The following FAT1 variants were observed in gnomAD, a reference collection of about 807,000 sequenced individuals.
FAT1 encodes protocadherin Fat 1.
Under a neutral mutation model 329.8 loss-of-function variants are expected in FAT1, and 171 were observed. That is an observed-to-expected ratio of 0.52 (90% CI 0.46 to 0.59). The LOEUF (loss-of-function observed/expected upper bound fraction) is 0.59. Ranked by LOEUF, FAT1 falls within the 20% of genes least tolerant of loss-of-function variation. The pLI is 0.00. For synonymous variants in FAT1, 2,233 were observed against 2,228.6 expected (o/e 1.00, Z -0.06); for missense variants, 5,672 against 5,774.4 (o/e 0.98, Z 0.57).
intron 6 of FAT1, among the ~76,000 whole-genome samples, 183 bp downstream of exon 6, chr4:186,635,842 T>C (rs188532224): frequency 1.5e-4 from 23 of 152,344 alleles, no homozygotes; most frequent in Admixed American, 5.2e-4. Flanking sequence ...TAAGCAAGTT[T>C]AACATATGCT....
At position 186,708,094 on chromosome 4, in the gene FAT1, A is replaced by G. The variant is rs1273396991; in HGVS notation, c.1734T>C (p.Ile578=). The change falls in exon 2 of 27, where the codon ATT becomes ATC. Residue 578 remains isoleucine, a synonymous_variant. Transcript: ENST00000441802. The stretch of plus-strand genomic sequence containing the variant: ...GCTCTCCCACGCCTAGATCTCTGGG[A>G]ATTGTCCCTTCACAATTTATTTTCT... ...LFEKINCEGT[I]PRDLGVGEQI... The G allele has an allele frequency of 6.2e-7, 1 of 1,613,984 alleles. No homozygotes were observed. The highest frequency in any genetic ancestry group is 1.1e-5 in the South Asian group (1 of 91,072).
chr4:186,691,065 T>A (rs1057175158), intron 2 of FAT1, among the ~76,000 whole-genome samples: 6 of 152,176 alleles, frequency 3.9e-5, no homozygotes, highest in Non-Finnish European at 7.3e-5. Context: ...TCATTTGATT[T>A]AAAAAATAAC....
chr4:186,675,399 G>A lies in FAT1; in HGVS notation c.3266-11786C>T, dbSNP rs147994407. 4.2e-3 allele frequency among the ~76,000 whole-genome samples: 631 copies of A among 152,020 alleles called. 3 individuals are homozygous for A. Among genetic ancestry groups the A allele is most frequent in the African/African-American group, 0.015 (606 of 41,454 alleles). ...GGAGAATCGCTTGAACCCAGGAGGC[G>A]GAGGTTGCAGTGAGTTGAGATTGCG... On this transcript the variant is annotated intron_variant, in intron 2 of 26. Transcript: ENST00000441802.
At chr4:186,674,270 A>G (rs905463704) in intron 2 of FAT1, among the ~76,000 whole-genome samples, 1 of 152,242 alleles carries the variant, frequency 6.6e-6, no homozygotes, top group Admixed American at 6.5e-5. Flanking sequence ...AAAGTAACCA[A>G]TGAATTAATG....
intron 2 of FAT1, among the ~76,000 whole-genome samples, chr4:186,676,735 A>G (rs1210529347): frequency 1.3e-5 from 2 of 152,228 alleles, no homozygotes; most frequent in Non-Finnish European, 1.5e-5. Flanking sequence ...GTATAAACAG[A>G]ACTCTCTCCA....
chr4:186,606,160 T>G lies in FAT1; in HGVS notation c.10260A>C (p.Arg3420Ser), dbSNP rs74424517. 1.2e-6 allele frequency: 2 copies of G among 1,612,220 alleles called. No individual in the cohort carries two copies. The highest frequency in any genetic ancestry group is 1.7e-6 in the Non-Finnish European group (2 of 1,179,504). Residue 3420 changes from arginine to serine, a missense_variant, in exon 17 of 27, where the codon AGA becomes AGC. Coordinates refer to ENST00000441802, the MANE Select transcript of FAT1 (RefSeq NM_005245.4). ...VQASDNGSPP[R>S]VNTTTVNIDV... Reference sequence around the variant, plus strand: ...CGATGTTCACGGTCGTCGTGTTGACTCTGGGTGGACTGCCATTATCAGAAG... The same window carrying G: ...CGATGTTCACGGTCGTCGTGTTGACGCTGGGTGGACTGCCATTATCAGAAG...
At chr4:186,649,894 C>A (rs1186936776) in intron 3 of FAT1, among the ~76,000 whole-genome samples, 3 of 152,116 alleles carry the variant, frequency 2.0e-5, no homozygotes, top group East Asian at 3.9e-4. Context: ...TACTAATACA[C>A]CTTTTTATTT....
At chr4:186,650,051 C>T (rs921717195) in intron 3 of FAT1, among the ~76,000 whole-genome samples, 1 of 152,016 alleles carries the variant, frequency 6.6e-6, no homozygotes, top group African/African-American at 2.4e-5. Flanking sequence ...GCTTGGTAGG[C>T]TTATCACTCT....
In FAT1 at chr4:186,606,096, TGGA is replaced by T. The variant is rs763135780; in HGVS notation, c.10321_10323del (p.Ser3441del). ...TGGATAATGACACTGTAGTTTCCCCTGGAGAAGACGGGCGCGTTGTCATTGACA... is the reference window on the plus strand; with the variant it reads ...TGGATAATGACACTGTAGTTTCCCCTGAAGACGGGCGCGTTGTCATTGACA... On this transcript the variant is annotated inframe_deletion, in exon 17 of 27. Transcript: ENST00000441802. The T allele has an allele frequency of 6.0e-5, 96 of 1,613,102 alleles. 1 individual carries two copies. The highest frequency in any genetic ancestry group is 8.1e-5 in the Non-Finnish European group (96 of 1,179,812).
Position 186,619,037 on chromosome 4 carries a change from T to C in FAT1, c.7549A>G (p.Thr2517Ala), listed in dbSNP as rs758143412. ...CCATAAATACCAGAATCCCCATCCG[T>C]AGTTTTCACCTCCATCACCAGGGTA... ...LHTLVMEVKT[T>A]DGDSGIYGHV... Residue 2517 changes from threonine to alanine, a missense_variant, in exon 10 of 27, where the codon ACG becomes GCG. Around this residue, in one of 2 missense-constraint regions of FAT1, gnomAD observed 3,966 missense variants for 3,915.2 expected, o/e 1.01. Transcript: ENST00000441802. 11 of 1,613,892 alleles carry C rather than the reference T, an allele frequency of 6.8e-6. No homozygotes were observed. The highest frequency in any genetic ancestry group is 9.3e-6 in the Non-Finnish European group (11 of 1,179,896).
rs2126511247 is a variant in FAT1 at position 186,619,988 on chromosome 4, G to A, written c.6598C>T (p.Pro2200Ser). The A allele has an allele frequency of 6.2e-7, 1 of 1,613,956 alleles. No individual in the cohort carries two copies. ...EIAESIQVHS[P>S]VVHVQANSPE... Reference sequence around the variant, plus strand: ...CTGTTAGCCTGCACGTGGACCACAGGGCTGTGCACCTGGATGCTCTCTGCA... The same window carrying A: ...CTGTTAGCCTGCACGTGGACCACAGAGCTGTGCACCTGGATGCTCTCTGCA... Residue 2200 changes from proline to serine, a missense_variant, in exon 10 of 27, where the codon CCT (proline) becomes TCT (serine). Transcript: ENST00000441802.
rs1237653391 is a variant in FAT1 at position 186,611,083 on chromosome 4, AC to A, written c.9853+302del. On this transcript the variant is annotated intron_variant, in intron 14 of 26. Transcript: ENST00000441802. Reference sequence around the variant, plus strand: ...TCTACTATCCCCTATTCTTATCTTTACTAACTTGCTATACCTTACATCTCAA... The same window carrying A: ...TCTACTATCCCCTATTCTTATCTTTATAACTTGCTATACCTTACATCTCAA... 1.3e-4 allele frequency among the ~76,000 whole-genome samples: 20 copies of A among 152,316 alleles called. 1 individual carries two copies. The South Asian group carries it at 3.5e-3, about 27-fold the overall frequency.
rs2126428283 is a variant in FAT1, at chr4:186,603,444, G to C, written c.11082C>G (p.Val3694=). The change falls in exon 19 of 27, where the codon GTC becomes GTG. Residue 3694 remains valine, a synonymous_variant. Transcript: ENST00000441802. ...TACCTGGTTTCTCTACAAAAAGTAA[G>C]ACGTCCAGATGTGGGTGAGGTTCAG... ...QSSEPHPHLD[V]LLFVEKPGSA... 6.2e-7 allele frequency: 1 copy of C among 1,614,004 alleles called. No individual in the cohort carries two copies. Among genetic ancestry groups the C allele is most frequent in the Non-Finnish European group, 8.5e-7 (1 of 1,179,894 alleles).
At chr4:186,705,567 G>T (rs916724100) in intron 2 of FAT1, among the ~76,000 whole-genome samples, 3 of 152,138 alleles carry the variant, frequency 2.0e-5, no homozygotes, top group Middle Eastern at 3.2e-3. Context: ...ATTTACTCCT[G>T]CAGTCTTTTA....
intron 3 of FAT1, among the ~76,000 whole-genome samples, chr4:186,649,292 T>C (rs28362123): frequency 2.6e-5 from 4 of 151,948 alleles, no homozygotes; most frequent in Non-Finnish European, 5.9e-5. Context: ...ATTAAAAAAA[T>C]TAAGAGGAAT....
chr4:186,685,308 T>TA (rs1743410912), intron 2 of FAT1, among the ~76,000 whole-genome samples: 1 of 152,220 alleles, frequency 6.6e-6, no homozygotes, highest in Admixed American at 6.5e-5. Context: ...GCTGATAGGA[T>TA]ACGGAACCGT....
At chr4:186,718,182 T>G (rs1198855956) in intron 1 of FAT1, among the ~76,000 whole-genome samples, 1 of 152,130 alleles carries the variant, frequency 6.6e-6, no homozygotes, top group Admixed American at 6.5e-5. Context: ...GGGAGAAAAG[T>G]CCATCTTCCC....
At chr4:186,678,089 T>G (rs371467280) in intron 2 of FAT1, among the ~76,000 whole-genome samples, 1 of 152,224 alleles carries the variant, frequency 6.6e-6, no homozygotes, top group South Asian at 2.1e-4. Flanking sequence ...ATTTTCTTCT[T>G]TAATACTAAC....
intron 7 of FAT1, among the ~76,000 whole-genome samples, chr4:186,629,014 T>C (rs532939312): frequency 1.3e-5 from 2 of 152,362 alleles, no homozygotes; most frequent in East Asian, 1.9e-4. Context: ...AAAATATGTA[T>C]TGATTTTCAC....
Sources: allele counts gnomAD v4.1 joint callset (sites outside exome capture counted in the v4.1 genomes callset), GRCh38; gene constraint gnomAD v4.1.1; regional missense constraint gnomAD v4.1.1; transcripts MANE v1.5; gene names NCBI Gene and HGNC (gene_info 2026-07-23, HGNC 2026-07-21).